Variants in MCF2L observed in about 807,000 individuals in gnomAD.
MCF2L encodes MCF.2 cell line derived transforming sequence like, also known as guanine nucleotide exchange factor DBS.
Under a neutral mutation model 153.4 loss-of-function variants are expected in MCF2L, and 97 were observed. The observed-to-expected ratio is 0.63, with a 90% confidence interval of 0.54 to 0.75. The LOEUF (loss-of-function observed/expected upper bound fraction) is 0.75, where lower values mean the gene tolerates loss of function less well. Among genes scored for constraint, MCF2L ranks in the 30% least tolerant of loss-of-function variants. The pLI is 0.00. For missense variants in MCF2L, 1,347 were observed against 1,495.2 expected, an observed-to-expected ratio of 0.90 and a Z score of 1.64; for synonymous variants, 659 against 632.2, an observed-to-expected ratio of 1.04 and a Z score of -0.64.
chr13:113,092,042 C>T (rs1312434457), intron 26 of MCF2L, among the ~76,000 whole-genome samples: 2 of 152,180 alleles, frequency 1.3e-5, no homozygotes, highest in South Asian at 2.1e-4. Flanking sequence ...AGTGGGTGGG[C>T]GCCCGGCTTG....
At chr13:112,921,270 G>C (rs1408182139) in intron 2 of MCF2L, among the ~76,000 whole-genome samples, 2 of 152,138 alleles carry the variant, frequency 1.3e-5, no homozygotes, top group South Asian at 4.2e-4. Context: ...AATAGGGCAG[G>C]CTGGTCAAAC....
intron 1 of MCF2L, among the ~76,000 whole-genome samples, chr13:112,898,004 T>C (rs2081084101): frequency 6.6e-6 from 1 of 152,170 alleles, no homozygotes; most frequent in East Asian, 1.9e-4. Flanking sequence ...GCCCCGGCCC[T>C]GGGTCATGGC....
chr13:113,076,969 C>T (rs1054825701), intron 12 of MCF2L, 83 bp from the exon 13 acceptor site: 1 of 1,456,112 alleles, frequency 6.9e-7, no homozygotes, highest in African/African-American at 1.4e-5. Flanking sequence ...TTGGGCGTGC[C>T]CCGGCACGTT....
intron 26 of MCF2L, chr13:113,090,102 T>C: frequency 6.5e-7 from 1 of 1,549,778 alleles, no homozygotes. Context: ...CAGAAAGCTC[T>C]GCGCTTTCCA....
At position 113,074,370 on chromosome 13, in the gene MCF2L, T is replaced by C. The variant is rs1190626974; in HGVS notation, c.997-74T>C. ...TTTGAATTCTGTCATTTCCCTGATC[T>C]GGAGCACTGGAGTGGGTTCTCTCTG... On this transcript the variant is annotated intron_variant, in intron 9 of 29. Transcript: ENST00000535094. This position sits in a 1 kb window ranked among gnomAD's most constrained non-coding sequence, Gnocchi z 4.2. 1.4e-5 allele frequency: 21 copies of C among 1,554,778 alleles called. No individual in the cohort carries two copies. The highest frequency in any genetic ancestry group is 2.3e-5 in the East Asian group (1 of 43,848).
chr13:112,965,897 A>G (rs1373095978), upstream of MCF2L: 1 of 152,152 alleles, frequency 6.6e-6, no homozygotes, highest in African/African-American at 2.4e-5. Flanking sequence ...GACCTTACCT[A>G]AGTGTCCTGG....
Position 113,070,455 on chromosome 13 carries a change from T to C in MCF2L, c.996+282T>C. 8.2e-6 allele frequency: 2 copies of C among 243,374 alleles called. No individual in the cohort carries two copies. The allele number at this position is 243,374 out of a possible 1,614,324, so 15.1% of individuals were successfully genotyped here. On this transcript the variant is annotated intron_variant, in intron 9 of 29. Transcript: ENST00000535094. The surrounding 1 kb of genome is among the most constrained non-coding windows in gnomAD (Gnocchi z 5.6). ...TCGTAAAGTAGCAGGAAGCCTTTGC[T>C]CTCCCTTCATAGTCATTTGCATGCC...
At chr13:113,088,872 T>C (rs551016584) in intron 25 of MCF2L, among the ~76,000 whole-genome samples, 332 of 152,324 alleles carry the variant, frequency 2.2e-3, no homozygotes, top group African/African-American at 7.7e-3. Context: ...AGCACGGCAG[T>C]GCGCACATGG....
intron 1 of MCF2L, among the ~76,000 whole-genome samples, chr13:112,998,337 AG>A (rs2083223216): frequency 6.6e-6 from 1 of 152,058 alleles, no homozygotes; most frequent in African/African-American, 2.4e-5. Context: ...ATGTCAGGGA[AG>A]GGGGAGCTCA....
At chr13:112,969,034 G>A (rs1335955878), upstream of MCF2L, among the ~76,000 whole-genome samples, 1 of 151,226 alleles carries the variant, frequency 6.6e-6, no homozygotes, top group Non-Finnish European at 1.5e-5. The surrounding 1 kb of genome is among the most constrained non-coding windows in gnomAD (Gnocchi z 4.8). Context: ...GGTGAGCCCC[G>A]GGGCTCCCCG....
chr13:112,950,791 A>G (rs964086836), intron 2 of MCF2L, among the ~76,000 whole-genome samples: 8 of 152,252 alleles, frequency 5.3e-5, no homozygotes, highest in African/African-American at 1.7e-4. Context: ...AGGAAAAAAT[A>G]TAGTAGACAA....
At chr13:113,037,783 C>G (rs941295249) in intron 3 of MCF2L, among the ~76,000 whole-genome samples, 3 of 152,204 alleles carry the variant, frequency 2.0e-5, no homozygotes, top group African/African-American at 7.2e-5. Flanking sequence ...GTCAGGAACA[C>G]TGTTCTCATT....
At chr13:113,001,867 G>T in intron 1 of MCF2L, 2 of 1,557,362 alleles carry the variant, frequency 1.3e-6, no homozygotes, top group Non-Finnish European at 1.7e-6. Flanking sequence ...CGGGAAGGGC[G>T]TTCCGGGAGC....
In MCF2L at chr13:113,024,649, C is replaced by T. The variant is rs767003814; in HGVS notation, c.169C>T (p.Arg57Trp). 3.1e-6 allele frequency: 5 copies of T among 1,612,184 alleles called. No homozygotes were observed. Among genetic ancestry groups the T allele is most frequent in the African/African-American group, 1.3e-5 (1 of 75,010 alleles). The change falls in exon 3 of 30, where the codon CGG becomes TGG. Residue 57 changes from arginine (R) to tryptophan (W), a missense_variant. Physicochemically the swap from Arg to Trp is moderately radical, Grantham distance 101. Transcript: ENST00000535094. ...TGCCTCTGGTCTCTCCCCAGGTGGG[C>T]GGGGGCAGGACGGAAGCCCGGTTAT... ...KKRFAYLSGGRGQDGSPVITF... is the reference protein window; with the variant it reads ...KKRFAYLSGGWGQDGSPVITF...
intron 2 of MCF2L, among the ~76,000 whole-genome samples, chr13:112,952,837 T>A (rs1410261275): frequency 6.6e-6 from 1 of 152,144 alleles, no homozygotes; most frequent in Non-Finnish European, 1.5e-5. Flanking sequence ...CCTAGCGTTT[T>A]ATGGTCCCAG....
intron 3 of MCF2L, among the ~76,000 whole-genome samples, chr13:113,026,063 C>T (rs1370193760): frequency 5.0e-5 from 3 of 60,574 alleles, no homozygotes; most frequent in Non-Finnish European, 7.1e-5. Context: ...GAGATTTCCC[C>T]ATCATGCGGT....
chr13:112,986,600 C>A (rs2082652428), intron 1 of MCF2L, among the ~76,000 whole-genome samples: 1 of 152,212 alleles, frequency 6.6e-6, no homozygotes, highest in Non-Finnish European at 1.5e-5. Context: ...GTCCCCTGGG[C>A]CCCCTGGTTA....
rs138586808 is a variant in MCF2L, at chr13:112,993,884, G to T, written c.80-20879G>T. ...GTGGGTAGGATTTTCCCCTCCCTTA[G>T]ATCGGAAGGCGAAGAAGGTGAGATC... On this transcript the variant is annotated intron_variant, in intron 1 of 29. Coordinates refer to ENST00000535094, the MANE Select transcript of MCF2L (RefSeq NM_001112732.3). The surrounding 1 kb of genome is among the most constrained non-coding windows in gnomAD (Gnocchi z 4.6). 2.7e-3 allele frequency among the ~76,000 whole-genome samples: 407 copies of T among 151,618 alleles called. 6 individuals are homozygous for T. In the East Asian group the frequency reaches 0.044, roughly 17 times the overall value.
chr13:113,037,743 T>C (rs1344095109), intron 3 of MCF2L, among the ~76,000 whole-genome samples: 1 of 152,220 alleles, frequency 6.6e-6, no homozygotes, highest in Non-Finnish European at 1.5e-5. Flanking sequence ...CTGCATTTCA[T>C]GGTGAGGTAT....
Sources: allele counts gnomAD v4.1 joint callset (sites outside exome capture counted in the v4.1 genomes callset), GRCh38; gene constraint gnomAD v4.1.1; non-coding constraint Gnocchi (gnomAD v3.1); transcripts MANE v1.5; gene names NCBI Gene and HGNC (gene_info 2026-07-23, HGNC 2026-07-21).